The following LRP1B variants were observed in gnomAD, a reference collection of about 807,000 sequenced individuals.
The protein encoded by LRP1B is low-density lipoprotein receptor-related protein 1B.
LRP1B carries 217 observed loss-of-function variants against 556.6 expected under a neutral mutation model. The ratio of observed to expected loss-of-function variants is 0.39; its 90% CI spans 0.35 to 0.44. LRP1B has a LOEUF of 0.44. Among genes scored for constraint, LRP1B ranks in the 20% least tolerant of loss-of-function variants. LRP1B has a pLI of 1.00. For missense variants in LRP1B, 5,053 were observed against 5,620.8 expected (o/e 0.90, Z 3.23); for synonymous variants, 2,047 against 1,865.8 (o/e 1.10, Z -2.50).
At position 141,890,393 on chromosome 2, in the gene LRP1B, G is replaced by GTATATATATATATATGTATTGTGTA. The variant is rs1558942965; in HGVS notation, c.83-79993_83-79992insTACACAATACATATATATATATATA. Among the ~76,000 whole-genome samples, 17 of 87,026 alleles carry GTATATATATATATATGTATTGTGTA rather than the reference G, an allele frequency of 2.0e-4. 1 individual carries two copies. Among genetic ancestry groups the GTATATATATATATATGTATTGTGTA allele is most frequent in the African/African-American group, 8.6e-4 (16 of 18,626 alleles). 57.1% of individuals were successfully genotyped at this position (87,026 alleles called of 152,430 possible). A position where few individuals can be genotyped will look rare whatever the true frequency, so the allele number is the denominator to read the frequency against. On this transcript the variant is annotated intron_variant, in intron 1 of 90. Coordinates refer to ENST00000389484, the MANE Select transcript of LRP1B (RefSeq NM_018557.3). ...TATATAGTGTGTATACATATATAGTGTATATATATATATATACTGAATTGA... is the reference window on the plus strand; with the variant it reads ...TATATAGTGTGTATACATATATAGTGTATATATATATATATGTATTGTGTATATATATATATATATACTGAATTGA...
Position 141,752,486 on chromosome 2 carries a change from T to C in LRP1B, c.205+57793A>G, listed in dbSNP as rs1340973659. 6.6e-5 allele frequency among the ~76,000 whole-genome samples: 10 copies of C among 152,206 alleles called. No homozygotes were observed. In the East Asian group the frequency reaches 1.9e-3, roughly 29 times the overall value. On this transcript the variant is annotated intron_variant, in intron 2 of 90. Transcript: ENST00000389484. Reference sequence around the variant, plus strand: ...TGGGTACCACTACCTAGATGCACATTTAGCTTATTTTCTTCCTCACTATCC... The same window carrying C: ...TGGGTACCACTACCTAGATGCACATCTAGCTTATTTTCTTCCTCACTATCC...
chr2:140,538,496 G>C (rs1680013116), intron 45 of LRP1B, among the ~76,000 whole-genome samples: 1 of 152,004 alleles, frequency 6.6e-6, no homozygotes, highest in Non-Finnish European at 1.5e-5. Context: ...CTGTTCCCGA[G>C]TCAATTCACC....
chr2:141,863,055 C>CT (rs1472749421), intron 1 of LRP1B, among the ~76,000 whole-genome samples: 1 of 152,124 alleles, frequency 6.6e-6, no homozygotes, highest in Non-Finnish European at 1.5e-5. Flanking sequence ...AGCTTAATTT[C>CT]TTTGTGTTTC....
intron 3 of LRP1B, among the ~76,000 whole-genome samples, chr2:141,258,954 G>T (rs1684585187): frequency 6.6e-6 from 1 of 152,006 alleles, no homozygotes; most frequent in African/African-American, 2.4e-5. Flanking sequence ...GTTCTTTATT[G>T]CAATGTGAGA....
At chr2:141,729,468 T>C (rs1359118498) in intron 2 of LRP1B, among the ~76,000 whole-genome samples, 2 of 152,162 alleles carry the variant, frequency 1.3e-5, no homozygotes, top group Non-Finnish European at 1.5e-5. Context: ...CTGTGAGCTA[T>C]TGTATGAAGA....
rs140997434 is a variant in LRP1B at position 140,480,374 on chromosome 2, GAGTA to G, written c.9425+4965_9425+4968del. 5.1e-3 allele frequency among the ~76,000 whole-genome samples: 773 copies of G among 152,256 alleles called. 6 individuals carry two copies. The highest frequency in any genetic ancestry group is 0.016 in the African/African-American group (653 of 41,548). ...ATTGGCAATAATGGATATGAATACTGAGTAAGTGTCTTTCACATATTTTCATTAA... is the reference window on the plus strand; with the variant it reads ...ATTGGCAATAATGGATATGAATACTGAGTGTCTTTCACATATTTTCATTAA... On this transcript the variant is annotated intron_variant, in intron 59 of 90. Transcript: ENST00000389484.
rs150283806 is a variant in LRP1B at position 140,666,775 on chromosome 2, T to C, written c.6799+33475A>G. On this transcript the variant is annotated intron_variant, in intron 41 of 90. Transcript: ENST00000389484. ...TGTATTTGTCCATCTACAAGTTACC[T>C]GATAAGTATCTTGAAAAGAAAGTTG... Among the ~76,000 whole-genome samples the C allele has an allele frequency of 2.6e-5, 4 of 152,338 alleles. No homozygotes were observed. In the East Asian group the frequency reaches 7.7e-4, roughly 29 times the overall value.
chr2:140,788,421 G>T (rs1183731738), intron 32 of LRP1B, among the ~76,000 whole-genome samples: 1 of 152,034 alleles, frequency 6.6e-6, no homozygotes, highest in Admixed American at 6.6e-5. Flanking sequence ...TTTCATGGAG[G>T]CTGGTTGAGA....
chr2:141,427,873 T>C (rs756611847), intron 3 of LRP1B, among the ~76,000 whole-genome samples: 2 of 152,148 alleles, frequency 1.3e-5, no homozygotes, highest in Non-Finnish European at 2.9e-5. Context: ...GCACTGATAG[T>C]GCACAATAGT....
chr2:140,791,683 T>C (rs1690126141), intron 32 of LRP1B, among the ~76,000 whole-genome samples: 1 of 152,158 alleles, frequency 6.6e-6, no homozygotes, highest in African/African-American at 2.4e-5. Flanking sequence ...GGAGCCATAA[T>C]AGACAATGAG....
At chr2:141,187,282 T>C (rs1209745939) in intron 7 of LRP1B, among the ~76,000 whole-genome samples, 5 of 152,088 alleles carry the variant, frequency 3.3e-5, no homozygotes, top group Non-Finnish European at 7.4e-5. Flanking sequence ...CAAGCTGTTC[T>C]TGTCAAAATC....
intron 2 of LRP1B, among the ~76,000 whole-genome samples, chr2:141,714,871 G>A (rs904443487): frequency 6.6e-6 from 1 of 152,132 alleles, no homozygotes; most frequent in Non-Finnish European, 1.5e-5. Context: ...TACATGGAGA[G>A]GGCTGATAAG....
At chr2:140,323,024 G>A (rs951637119) in intron 81 of LRP1B, among the ~76,000 whole-genome samples, 1 of 151,840 alleles carries the variant, frequency 6.6e-6, no homozygotes, top group Non-Finnish European at 1.5e-5. Context: ...GGATGTTTTA[G>A]GAAACTCTAT....
intron 11 of LRP1B, among the ~76,000 whole-genome samples, 176 bp from the exon 12 acceptor site, chr2:141,020,278 T>C (rs965780561): frequency 2.3e-4 from 35 of 152,104 alleles, no homozygotes; most frequent in African/African-American, 8.4e-4. Context: ...TATTTTTCAA[T>C]TTTATTTTGA....
chr2:141,519,360 G>GAGAT (rs1366593169), intron 2 of LRP1B, among the ~76,000 whole-genome samples: 20 of 68,324 alleles, frequency 2.9e-4, no homozygotes, highest in African/African-American at 1.0e-3. Context: ...TTAAGTCAAT[G>GAGAT]ATATATATAT....
chr2:140,741,297 A>G (rs1022356082), intron 35 of LRP1B, among the ~76,000 whole-genome samples: 1 of 152,176 alleles, frequency 6.6e-6, no homozygotes, highest in African/African-American at 2.4e-5. Flanking sequence ...AAGCGAAGCC[A>G]TGCCAGGCAA....
At chr2:141,425,723 G>A (rs1393970543) in intron 3 of LRP1B, among the ~76,000 whole-genome samples, 1 of 151,932 alleles carries the variant, frequency 6.6e-6, no homozygotes, top group South Asian at 2.1e-4. Flanking sequence ...GTCTTCTTTT[G>A]AGAAGTGTCT....
intron 2 of LRP1B, among the ~76,000 whole-genome samples, chr2:141,635,175 T>C (rs1340898748): frequency 6.6e-6 from 1 of 151,990 alleles, no homozygotes; most frequent in Non-Finnish European, 1.5e-5. Context: ...TTTAGGATTA[T>C]ACGTACAGAA....
intron 6 of LRP1B, among the ~76,000 whole-genome samples, chr2:141,205,918 C>T (rs528583359): frequency 3.7e-4 from 57 of 152,114 alleles, no homozygotes; most frequent in Middle Eastern, 6.8e-3. Flanking sequence ...CAGATGTGAC[C>T]CGTTCTTTGA....
Sources: gnomAD v4.1 joint callset for allele counts (sites outside exome capture counted in the v4.1 genomes callset) on GRCh38, gnomAD v4.1.1 for gene constraint, MANE v1.5 for transcripts, NCBI Gene and HGNC (gene_info 2026-07-23, HGNC 2026-07-21) for gene names.